Variants in EVI5 observed in about 807,000 individuals in gnomAD.
The protein encoded by EVI5 is ecotropic viral integration site 5.
EVI5 carries 73 observed loss-of-function variants against 112.0 expected under a neutral mutation model. The observed-to-expected ratio is 0.65, with a 90% confidence interval of 0.54 to 0.79. The LOEUF (loss-of-function observed/expected upper bound fraction) is 0.79. EVI5 is among the 30% of genes least tolerant of loss of function. The pLI, the probability that EVI5 is intolerant of heterozygous loss-of-function variation, is 0.00. For missense variants in EVI5, 900 were observed against 968.8 expected, an observed-to-expected ratio of 0.93 and a Z score of 0.94; for synonymous variants, 305 against 319.9, an observed-to-expected ratio of 0.95 and a Z score of 0.50.
chr1:92,558,198 C>A (rs1667978848), intron 19 of EVI5, among the ~76,000 whole-genome samples: 1 of 152,162 alleles, frequency 6.6e-6, no homozygotes, highest in African/African-American at 2.4e-5. Context: ...TGGTCCTCTC[C>A]TGGCTCTCTT....
At position 92,771,936 on chromosome 1, in the gene EVI5, C is replaced by G. The variant is rs541095013; in HGVS notation, c.-82+12900G>C. On this transcript the variant is annotated intron_variant, in intron 1 of 19. Coordinates refer to ENST00000684568, the MANE Select transcript of EVI5 (RefSeq NM_001350197.2). ...ATGGTGCAATCTCAGCTCACTGCAA[C>G]CTCCGCCTCCTGGGTTCAAGCAATT... Among the ~76,000 whole-genome samples the G allele has an allele frequency of 2.0e-5, 3 of 152,148 alleles. No individual in the cohort carries two copies. In the East Asian group the frequency reaches 5.8e-4, roughly 29 times the overall value.
At chr1:92,574,037 T>G (rs987742684) in intron 18 of EVI5, among the ~76,000 whole-genome samples, 1 of 152,138 alleles carries the variant, frequency 6.6e-6, no homozygotes, top group Admixed American at 6.5e-5. Context: ...TAGGTAATAG[T>G]AAAAAGCTGT....
chr1:92,623,151 A>G (rs1268891737), intron 16 of EVI5, among the ~76,000 whole-genome samples: 2 of 152,212 alleles, frequency 1.3e-5, no homozygotes, highest in Non-Finnish European at 1.5e-5. Context: ...GTAAAACTTA[A>G]GATTTCTACT....
At chr1:92,583,100 A>G (rs1490812591) in intron 18 of EVI5, among the ~76,000 whole-genome samples, 2 of 152,202 alleles carry the variant, frequency 1.3e-5, no homozygotes, top group Non-Finnish European at 2.9e-5. Context: ...TTCACCTAGT[A>G]TGTCTTGTAG....
At chr1:92,615,830 T>C (rs1202967406) in intron 16 of EVI5, among the ~76,000 whole-genome samples, 3 of 152,190 alleles carry the variant, frequency 2.0e-5, no homozygotes, top group East Asian at 3.9e-4. Context: ...GTGTGACCCA[T>C]GAGGAGGTGT....
At chr1:92,561,598 TCTAATCTATC>T (rs1450460052) in intron 19 of EVI5, among the ~76,000 whole-genome samples, 17 of 147,460 alleles carry the variant, frequency 1.2e-4, no homozygotes, top group African/African-American at 2.2e-4. Flanking sequence ...TATCTATCTA[TCTAATCTATC>T]CTATCTATCT....
At chr1:92,765,736 G>C (rs1316012215) in intron 1 of EVI5, among the ~76,000 whole-genome samples, 2 of 151,998 alleles carry the variant, frequency 1.3e-5, no homozygotes, top group African/African-American at 4.8e-5. Context: ...CCACTTTGCT[G>C]TATTACCAAA....
At chr1:92,786,023 G>A (rs914944025), upstream of EVI5, among the ~76,000 whole-genome samples, 12 of 151,838 alleles carry the variant, frequency 7.9e-5, no homozygotes, top group Non-Finnish European at 1.8e-4. Context: ...CCACGGAGGT[G>A]GAGGTTGCAG....
At chr1:92,738,267 T>C (rs1249802307) in intron 1 of EVI5, among the ~76,000 whole-genome samples, 1 of 152,168 alleles carries the variant, frequency 6.6e-6, no homozygotes, top group Non-Finnish European at 1.5e-5. Context: ...GGATAACAAC[T>C]ATAAACTCAA....
intron 1 of EVI5, among the ~76,000 whole-genome samples, chr1:92,737,429 A>G (rs1462971604): frequency 4.6e-5 from 7 of 152,204 alleles, no homozygotes; most frequent in Non-Finnish European, 8.8e-5. Context: ...CCAGGAAGAA[A>G]AAAGCCTTTA....
chr1:92,743,591 T>C (rs1678781035), intron 1 of EVI5, among the ~76,000 whole-genome samples: 1 of 151,986 alleles, frequency 6.6e-6, no homozygotes, highest in Non-Finnish European at 1.5e-5. Flanking sequence ...ATAGAGATGA[T>C]GGTGATGGTG....
At chr1:92,769,351 G>A (rs988282683) in intron 1 of EVI5, among the ~76,000 whole-genome samples, 6 of 152,124 alleles carry the variant, frequency 3.9e-5, no homozygotes, top group Non-Finnish European at 8.8e-5. Context: ...TATATGTAAT[G>A]TTTTAAATTT....
intron 1 of EVI5, among the ~76,000 whole-genome samples, chr1:92,780,820 T>C (rs956724442): frequency 1.3e-5 from 2 of 151,502 alleles, no homozygotes; most frequent in Non-Finnish European, 1.5e-5. Flanking sequence ...GGTGATACAG[T>C]GAGACCTTGT....
intron 19 of EVI5, among the ~76,000 whole-genome samples, chr1:92,562,338 G>A (rs1472374502): frequency 6.6e-6 from 1 of 152,018 alleles, no homozygotes; most frequent in East Asian, 1.9e-4. Flanking sequence ...GACCATCCTG[G>A]CTAACACAGT....
rs183831696 is a variant in EVI5, at chr1:92,668,237, T to C, written c.1159-2245A>G. On this transcript the variant is annotated intron_variant, in intron 10 of 19. Coordinates refer to ENST00000684568, the MANE Select transcript of EVI5 (RefSeq NM_001350197.2). ...TCTATTCACTAAAATTCAGATGATCTGAAATAGACATTATGATATACAGGA... is the reference window on the plus strand; with the variant it reads ...TCTATTCACTAAAATTCAGATGATCCGAAATAGACATTATGATATACAGGA... Among the ~76,000 whole-genome samples, 306 of 152,340 alleles carry C rather than the reference T, an allele frequency of 2.0e-3. 4 individuals carry two copies. The highest frequency in any genetic ancestry group is 6.8e-3 in the African/African-American group (283 of 41,586).
chr1:92,625,695 A>T, intron 15 of EVI5, 99 bp downstream of exon 15: 1 of 968,054 alleles, frequency 1.0e-6, no homozygotes, highest in East Asian at 2.4e-5. Flanking sequence ...CTCACTTTAA[A>T]CTCATCTACT....
chr1:92,737,947 ACTTC>A (rs1306777438), intron 1 of EVI5, among the ~76,000 whole-genome samples: 2 of 152,196 alleles, frequency 1.3e-5, no homozygotes, highest in Non-Finnish European at 2.9e-5. Flanking sequence ...TTTAGAACTT[ACTTC>A]CTTTAGAAAT....
intron 1 of EVI5, among the ~76,000 whole-genome samples, chr1:92,762,545 AAACT>A (rs1344640292): frequency 1.3e-5 from 2 of 152,244 alleles, no homozygotes; most frequent in East Asian, 1.9e-4. Flanking sequence ...AGGTAAGCTA[AAACT>A]AACTGTAGAA....
At chr1:92,552,120 GGGA>G (rs1297827274) in intron 19 of EVI5, among the ~76,000 whole-genome samples, 1 of 68,868 alleles carries the variant, frequency 1.5e-5, no homozygotes, top group Non-Finnish European at 2.6e-5. Context: ...TGGGGCTGTA[GGGA>G]AAAAAAAAAA....
Sources: gnomAD v4.1 joint callset for allele counts (sites outside exome capture counted in the v4.1 genomes callset) on GRCh38, gnomAD v4.1.1 for gene constraint, MANE v1.5 for transcripts, NCBI Gene and HGNC (gene_info 2026-07-23, HGNC 2026-07-21) for gene names.